Variants in NSMCE2 observed in about 807,000 individuals in gnomAD.
The protein encoded by NSMCE2 is E3 SUMO-protein ligase NSE2.
A neutral mutation model predicts 23.8 loss-of-function variants in NSMCE2; 24 were observed. The ratio of observed to expected loss-of-function variants is 1.01; its 90% CI spans 0.73 to 1.42. The LOEUF is 1.42. Among genes scored for constraint, NSMCE2 ranks in the 40% most tolerant of loss-of-function variants. The pLI is 0.00. For synonymous variants in NSMCE2, 92 were observed against 94.1 expected (o/e 0.98, Z 0.13); for missense variants, 284 against 296.5 (o/e 0.96, Z 0.31).
intron 5 of NSMCE2, among the ~76,000 whole-genome samples, chr8:125,297,406 AG>A (rs2131183632): frequency 1.3e-5 from 2 of 152,354 alleles, no homozygotes; most frequent in South Asian, 4.1e-4. Flanking sequence ...CTCCTGGGAC[AG>A]GCAGCTCATT....
intron 5 of NSMCE2, among the ~76,000 whole-genome samples, chr8:125,236,446 G>A (rs1035707853): frequency 1.3e-5 from 2 of 151,868 alleles, no homozygotes; most frequent in Non-Finnish European, 1.5e-5. Flanking sequence ...GTAAATAGGG[G>A]TCTTAATATA....
chr8:125,265,553 G>A (rs371330940), intron 5 of NSMCE2, among the ~76,000 whole-genome samples: 3 of 152,102 alleles, frequency 2.0e-5, no homozygotes, highest in African/African-American at 4.8e-5. Context: ...AAATTATTGC[G>A]TTAAAATGCT....
chr8:125,333,419 G>C (rs1829953107), intron 5 of NSMCE2, among the ~76,000 whole-genome samples: 1 of 149,674 alleles, frequency 6.7e-6, no homozygotes, highest in Admixed American at 6.7e-5. Flanking sequence ...TGATCCTCCT[G>C]CCTCAGCCTC....
intron 5 of NSMCE2, among the ~76,000 whole-genome samples, chr8:125,333,721 G>C (rs752840136): frequency 6.6e-6 from 1 of 151,512 alleles, no homozygotes; most frequent in Non-Finnish European, 1.5e-5. Context: ...CACCATTTTA[G>C]CCGGGATGGT....
chr8:125,358,943 C>G (rs1813404887), intron 7 of NSMCE2, among the ~76,000 whole-genome samples: 1 of 152,094 alleles, frequency 6.6e-6, no homozygotes, highest in Middle Eastern at 3.2e-3. Flanking sequence ...ACATTTTGAT[C>G]TGTTTTGAGT....
chr8:125,242,550 G>A (rs1358884721), intron 5 of NSMCE2, among the ~76,000 whole-genome samples: 1 of 151,910 alleles, frequency 6.6e-6, no homozygotes, highest in Non-Finnish European at 1.5e-5. Flanking sequence ...GTTCCAGCAA[G>A]AACTGTTAGC....
At chr8:125,299,850 A>G (rs1586737307) in intron 5 of NSMCE2, among the ~76,000 whole-genome samples, 1 of 109,828 alleles carries the variant, frequency 9.1e-6, no homozygotes, top group Admixed American at 1.5e-4. Flanking sequence ...ACAGAGTCTC[A>G]CTCTGTCACT....
rs141966422 is a variant in NSMCE2 at position 125,255,048 on chromosome 8, C to T, written c.418+72792C>T. Among the ~76,000 whole-genome samples the T allele has an allele frequency of 3.9e-5, 6 of 152,182 alleles. No individual in the cohort carries two copies. The East Asian group carries it at 9.7e-4, about 25-fold the overall frequency. The stretch of plus-strand genomic sequence containing the variant: ...GGCCCAGACCTTAAGAACCTAGCAG[C>T]GTCCACTTCCTGTCTCCTTGTATGC... On this transcript the variant is annotated intron_variant, in intron 5 of 7. Transcript: ENST00000287437.
chr8:125,104,844 C>G (rs1818379601), intron 3 of NSMCE2, among the ~76,000 whole-genome samples: 1 of 152,120 alleles, frequency 6.6e-6, no homozygotes, highest in East Asian at 1.9e-4. Flanking sequence ...CCAGGCCAAC[C>G]TGACGAAACC....
chr8:125,223,185 A>G lies in NSMCE2; in HGVS notation c.418+40929A>G, dbSNP rs191404479. On this transcript the variant is annotated intron_variant, in intron 5 of 7. Coordinates refer to ENST00000287437, the MANE Select transcript of NSMCE2 (RefSeq NM_173685.4). ...AACCTGAGCAACATGGTGAAATCCC[A>G]TCTGTACAAAAAATACAAAAAAATT... 5.3e-5 allele frequency among the ~76,000 whole-genome samples: 8 copies of G among 151,872 alleles called. No individual in the cohort carries two copies. In the East Asian group the frequency reaches 1.6e-3, roughly 30 times the overall value.
intron 4 of NSMCE2, among the ~76,000 whole-genome samples, chr8:125,159,805 C>A (rs779822640): frequency 1.2e-4 from 18 of 151,968 alleles, no homozygotes; most frequent in Non-Finnish European, 2.4e-4. Flanking sequence ...ACTAAAAATA[C>A]AAAAATCGGC....
intron 5 of NSMCE2, among the ~76,000 whole-genome samples, chr8:125,272,632 T>TGGGAGCTAGGCCAGGGTTG (rs1554629559): frequency 6.8e-6 from 1 of 148,092 alleles, no homozygotes; most frequent in African/African-American, 2.5e-5. Context: ...CTTAACACTT[T>TGGGAGCTAGGCCAGGGTTG]ATACTGCCAC....
At chr8:125,264,637 G>A (rs1264251226) in intron 5 of NSMCE2, among the ~76,000 whole-genome samples, 2 of 152,172 alleles carry the variant, frequency 1.3e-5, no homozygotes, top group African/African-American at 4.8e-5. Flanking sequence ...TCAAACTCCT[G>A]ACCTCAGGTG....
chr8:125,174,092 T>C (rs1822355607), intron 4 of NSMCE2, among the ~76,000 whole-genome samples: 1 of 152,190 alleles, frequency 6.6e-6, no homozygotes, highest in African/African-American at 2.4e-5. Context: ...GCCTGTGAAA[T>C]GGTATCCTGT....
chr8:125,329,123 C>T (rs1356292442), intron 5 of NSMCE2, among the ~76,000 whole-genome samples: 2 of 152,218 alleles, frequency 1.3e-5, no homozygotes, highest in Admixed American at 1.3e-4. Context: ...GGACCTCATG[C>T]TTGGTAAAAT....
At position 125,294,863 on chromosome 8, in the gene NSMCE2, T is replaced by G. The variant is rs976422121; in HGVS notation, c.419-62356T>G. Among the ~76,000 whole-genome samples, 5 of 152,364 alleles carry G rather than the reference T, an allele frequency of 3.3e-5. No homozygotes were observed. In the East Asian group the frequency reaches 9.6e-4, roughly 29 times the overall value. The stretch of plus-strand genomic sequence containing the variant: ...ATTTACTGGATAATCCAGACAGCAC[T>G]TTGGTTAAATCCACAGTGTGATGTC... On this transcript the variant is annotated intron_variant, in intron 5 of 7. Coordinates refer to ENST00000287437, the MANE Select transcript of NSMCE2 (RefSeq NM_173685.4).
intron 5 of NSMCE2, among the ~76,000 whole-genome samples, chr8:125,345,713 A>G (rs184285617): frequency 1.2e-3 from 185 of 152,366 alleles, no homozygotes; most frequent in African/African-American, 4.3e-3. Flanking sequence ...GTGAAGAGAT[A>G]GCAGCAGAAG....
chr8:125,108,051 A>T (rs1395155969), intron 3 of NSMCE2, among the ~76,000 whole-genome samples: 1 of 152,180 alleles, frequency 6.6e-6, no homozygotes, highest in Non-Finnish European at 1.5e-5. Flanking sequence ...AAATAAAAAA[A>T]ATTATGATGA....
chr8:125,340,017 T>G (rs943774617), intron 5 of NSMCE2, among the ~76,000 whole-genome samples: 17 of 102,600 alleles, frequency 1.7e-4, no homozygotes, highest in Admixed American at 5.7e-4. Context: ...TTTTTGTTTT[T>G]TTTTTTTTTT....
Sources: gnomAD v4.1 joint callset for allele counts (sites outside exome capture counted in the v4.1 genomes callset) on GRCh38, gnomAD v4.1.1 for gene constraint, MANE v1.5 for transcripts, NCBI Gene and HGNC (gene_info 2026-07-23, HGNC 2026-07-21) for gene names.